Variants in HS3ST5 observed in about 807,000 individuals in gnomAD.
HS3ST5 encodes the protein heparan sulfate glucosamine 3-O-sulfotransferase 5.
HS3ST5 carries 10 observed loss-of-function variants against 25.4 expected under a neutral mutation model. The ratio of observed to expected loss-of-function variants is 0.39; its 90% CI spans 0.24 to 0.67. HS3ST5 has a LOEUF of 0.67. Ranked by LOEUF, HS3ST5 falls within the 30% of genes least tolerant of loss-of-function variation. HS3ST5 has a pLI of 0.44. For missense variants in HS3ST5, 324 were observed against 420.7 expected (o/e 0.77, Z 2.01); for synonymous variants, 170 against 162.4 (o/e 1.05, Z -0.36).
At chr6:114,201,058 T>A (rs1353456933) in intron 2 of HS3ST5, among the ~76,000 whole-genome samples, 1 of 152,224 alleles carries the variant, frequency 6.6e-6, no homozygotes, top group African/African-American at 2.4e-5. Flanking sequence ...GTCTATAAGC[T>A]GATAACAATT....
intron 3 of HS3ST5, among the ~76,000 whole-genome samples, chr6:114,158,060 G>C (rs969664666): frequency 6.6e-6 from 1 of 152,158 alleles, no homozygotes; most frequent in Non-Finnish European, 1.5e-5. Flanking sequence ...GTGAAGCAGC[G>C]CCTCCACTGT....
intron 3 of HS3ST5, among the ~76,000 whole-genome samples, chr6:114,097,318 T>G (rs897542072): frequency 6.6e-6 from 1 of 151,940 alleles, no homozygotes; most frequent in Non-Finnish European, 1.5e-5. Flanking sequence ...GATATACTTA[T>G]GAAAAAAGGT....
chr6:114,203,783 G>A lies in HS3ST5; in HGVS notation c.-145+24802C>T, dbSNP rs189080321. ...ATTATCCTTACAAATCCTAGGCTCC[G>A]AGCTTTTGGGAGGCAGATTTGAGAA... On this transcript the variant is annotated intron_variant, in intron 2 of 4. Transcript: ENST00000312719. 4.6e-5 allele frequency among the ~76,000 whole-genome samples: 7 copies of A among 152,182 alleles called. No individual in the cohort carries two copies. In the South Asian group the frequency reaches 1.2e-3, roughly 27 times the overall value.
chr6:114,220,784 G>C (rs1157436236), intron 2 of HS3ST5: 1 of 151,940 alleles, frequency 6.6e-6, no homozygotes, highest in African/African-American at 2.4e-5. Context: ...TGTGGCTGTA[G>C]ATAAGATCAT....
chr6:114,116,322 G>T (rs1562203118), intron 3 of HS3ST5: 1 of 152,128 alleles, frequency 6.6e-6, no homozygotes, highest in Non-Finnish European at 1.5e-5. Context: ...ATGCCAAAGA[G>T]ATGGGAAGGC....
At position 114,248,823 on chromosome 6, in the gene HS3ST5, A is replaced by G. The variant is rs542618249; in HGVS notation, c.-338-20045T>C. On this transcript the variant is annotated intron_variant, in intron 1 of 4. Coordinates refer to ENST00000312719, the MANE Select transcript of HS3ST5 (RefSeq NM_153612.4). ...TAAAAGTTAACAAGATGGTCCTTACATTCTGTGGTTTCAATATATACCAGT... is the reference window on the plus strand; with the variant it reads ...TAAAAGTTAACAAGATGGTCCTTACGTTCTGTGGTTTCAATATATACCAGT... Among the ~76,000 whole-genome samples the G allele has an allele frequency of 9.2e-5, 14 of 152,364 alleles. No homozygotes were observed. The South Asian group carries it at 2.7e-3, about 29-fold the overall frequency.
At chr6:114,061,906 C>G (rs944796745) in intron 4 of HS3ST5, among the ~76,000 whole-genome samples, 5 of 152,176 alleles carry the variant, frequency 3.3e-5, no homozygotes, top group African/African-American at 1.2e-4. Flanking sequence ...CGAGATTACG[C>G]CATTGCACTC....
intron 1 of HS3ST5, among the ~76,000 whole-genome samples, chr6:114,334,480 T>C (rs1776528435): frequency 6.6e-6 from 1 of 152,234 alleles, no homozygotes; most frequent in Non-Finnish European, 1.5e-5. Context: ...ACTGCAGTCA[T>C]GTACTGCATA....
At chr6:114,072,781 G>T (rs1377342135) in intron 3 of HS3ST5, among the ~76,000 whole-genome samples, 1 of 151,932 alleles carries the variant, frequency 6.6e-6, no homozygotes, top group East Asian at 1.9e-4. Context: ...TCACAGAATT[G>T]GAAAAAAACT....
intron 1 of HS3ST5, among the ~76,000 whole-genome samples, chr6:114,335,603 G>T (rs1395632870): frequency 1.3e-5 from 2 of 151,722 alleles, no homozygotes; most frequent in Admixed American, 1.3e-4. Context: ...TATAAAGCGA[G>T]GCCTTGCAAA....
At chr6:114,329,445 A>G (rs954364699) in intron 1 of HS3ST5, among the ~76,000 whole-genome samples, 1 of 152,188 alleles carries the variant, frequency 6.6e-6, no homozygotes, top group African/African-American at 2.4e-5. Flanking sequence ...GCTTTGCTCC[A>G]CGGGATTGGC....
chr6:114,263,977 C>A (rs1562257306), intron 1 of HS3ST5, among the ~76,000 whole-genome samples: 1 of 152,028 alleles, frequency 6.6e-6, no homozygotes, highest in Non-Finnish European at 1.5e-5. Flanking sequence ...AGAGTCCCCA[C>A]AATAACACTA....
intron 3 of HS3ST5, among the ~76,000 whole-genome samples, chr6:114,082,831 C>A (rs1201508748): frequency 6.6e-6 from 1 of 152,208 alleles, no homozygotes. Flanking sequence ...ACCTTACTCA[C>A]CCCGTCATTC....
chr6:114,214,644 C>A (rs932844996), intron 2 of HS3ST5, among the ~76,000 whole-genome samples: 1 of 152,212 alleles, frequency 6.6e-6, no homozygotes, highest in South Asian at 2.1e-4. Context: ...TAATTAAATA[C>A]TGAGTTGTAT....
At chr6:114,066,649 A>G (rs1275723823) in intron 3 of HS3ST5, among the ~76,000 whole-genome samples, 1 of 151,906 alleles carries the variant, frequency 6.6e-6, no homozygotes, top group Non-Finnish European at 1.5e-5. Flanking sequence ...AAAAACAAAA[A>G]TAAAAAAAAC....
intron 2 of HS3ST5, among the ~76,000 whole-genome samples, chr6:114,187,296 G>A (rs1029226729): frequency 6.6e-6 from 1 of 152,232 alleles, no homozygotes; most frequent in African/African-American, 2.4e-5. Context: ...CTTCTGGAAA[G>A]TAGTCACCAT....
intron 3 of HS3ST5, among the ~76,000 whole-genome samples, chr6:114,063,352 TAA>T (rs1477916700): frequency 2.6e-5 from 4 of 151,990 alleles, no homozygotes; most frequent in Non-Finnish European, 4.4e-5. Context: ...TCGTCTCTAC[TAA>T]AAATGCAAAA....
intron 1 of HS3ST5, among the ~76,000 whole-genome samples, chr6:114,291,158 G>A (rs563416943): frequency 4.0e-4 from 61 of 152,126 alleles, no homozygotes; most frequent in African/African-American, 1.4e-3. Context: ...GTTCAGTCCC[G>A]CTTGCCCAGC....
intron 3 of HS3ST5, among the ~76,000 whole-genome samples, chr6:114,135,032 T>G (rs776060833): frequency 6.6e-6 from 1 of 152,300 alleles, no homozygotes; most frequent in Admixed American, 6.5e-5. Context: ...GTGACGCTGG[T>G]TTTCTCTATA....
Sources: gnomAD v4.1 joint callset for allele counts (sites outside exome capture counted in the v4.1 genomes callset) on GRCh38, gnomAD v4.1.1 for gene constraint, MANE v1.5 for transcripts, NCBI Gene and HGNC (gene_info 2026-07-23, HGNC 2026-07-21) for gene names.